Variants in ALK observed in about 807,000 individuals in gnomAD.
The protein encoded by ALK is ALK tyrosine kinase receptor.
ALK carries 74 observed loss-of-function variants against 163.1 expected under a neutral mutation model. That is an observed-to-expected ratio of 0.45 (90% CI 0.38 to 0.55). ALK has a LOEUF of 0.55. ALK is among the 20% of genes least tolerant of loss of function. The pLI is 0.00. For missense variants in ALK, 2,063 were observed against 2,105.3 expected (o/e 0.98, Z 0.39); for synonymous variants, 960 against 843.2 (o/e 1.14, Z -2.40).
chr2:29,411,857 C>T (rs1669732467), intron 4 of ALK, among the ~76,000 whole-genome samples: 2 of 152,208 alleles, frequency 1.3e-5, no homozygotes, highest in Admixed American at 1.3e-4. Flanking sequence ...ATTTTTGCAA[C>T]CTCCTCATCC....
chr2:29,667,033 T>A (rs192042260), intron 3 of ALK, among the ~76,000 whole-genome samples: 1 of 152,264 alleles, frequency 6.6e-6, no homozygotes, highest in East Asian at 1.9e-4. Context: ...TTCTTTCTTA[T>A]GGCTAAATAG....
rs1289235141 is a variant in ALK, at chr2:29,252,347, A to ATGC, written c.2042-1081_2042-1080insGCA. On this transcript the variant is annotated intron_variant, in intron 11 of 28. Transcript: ENST00000389048. ...TTTACTTAAAATACAAAAATCTCAT[A>ATGC]AGATTGCAGAAATTCCCTTAAAAGA... is the stretch of plus-strand genomic sequence containing the variant. Among the ~76,000 whole-genome samples the ATGC allele has an allele frequency of 3.3e-5, 5 of 152,350 alleles. No homozygotes were observed. In the East Asian group the frequency reaches 9.6e-4, roughly 29 times the overall value.
chr2:29,314,472 C>CCCAG (rs1666774499), intron 8 of ALK, among the ~76,000 whole-genome samples: 1 of 151,992 alleles, frequency 6.6e-6, no homozygotes, highest in Non-Finnish European at 1.5e-5. Flanking sequence ...AGGGTGTGTG[C>CCCAG]ACGCATGTGT....
intron 1 of ALK, among the ~76,000 whole-genome samples, chr2:29,767,440 C>T (rs1680894791): frequency 6.6e-6 from 1 of 152,188 alleles, no homozygotes; most frequent in African/African-American, 2.4e-5. Context: ...TCTCATGTCC[C>T]AGGAAACCCA....
intron 1 of ALK, among the ~76,000 whole-genome samples, chr2:29,736,029 C>A (rs1238276016): frequency 3.3e-5 from 5 of 151,944 alleles, no homozygotes; most frequent in African/African-American, 4.8e-5. Context: ...TGCTCAAGAC[C>A]CCAAGCCAGC....
chr2:29,636,161 G>T (rs567707009), intron 3 of ALK, among the ~76,000 whole-genome samples: 2 of 152,264 alleles, frequency 1.3e-5, no homozygotes, highest in East Asian at 3.9e-4. Flanking sequence ...GGTGTTGGGG[G>T]AGGAATATAC....
intron 1 of ALK, among the ~76,000 whole-genome samples, chr2:29,781,032 G>A (rs1199631033): frequency 6.6e-6 from 1 of 152,172 alleles, no homozygotes; most frequent in African/African-American, 2.4e-5. Context: ...CTGATAACAA[G>A]GATTTTCTGT....
intron 5 of ALK, among the ~76,000 whole-genome samples, chr2:29,363,497 T>G (rs2148288034): frequency 6.6e-6 from 1 of 152,302 alleles, no homozygotes; most frequent in East Asian, 1.9e-4. Flanking sequence ...AGAGCTCTGC[T>G]TCTACTGAGA....
intron 3 of ALK, among the ~76,000 whole-genome samples, chr2:29,539,748 A>G (rs566060401): frequency 6.6e-6 from 1 of 152,298 alleles, no homozygotes; most frequent in East Asian, 1.9e-4. Flanking sequence ...ATAAAGGACT[A>G]AAATAATTTC....
chr2:29,706,643 GCGCACGTGCACATGT>G, intron 2 of ALK, among the ~76,000 whole-genome samples: 1 of 152,322 alleles, frequency 6.6e-6, no homozygotes, highest in Non-Finnish European at 1.5e-5. Context: ...CAGTGTGTGT[GCGCACGTGCACATGT>G]GCACACTGCA....
intron 2 of ALK, among the ~76,000 whole-genome samples, chr2:29,696,938 A>AT (rs1265395785): frequency 1.6e-4 from 23 of 146,228 alleles, no homozygotes; most frequent in African/African-American, 4.9e-4. Context: ...AAAAAAAAAT[A>AT]AAATAAAATA....
At position 29,694,896 on chromosome 2, in the gene ALK, G is replaced by T; in HGVS notation, c.906C>A (p.Asp302Glu). 1 of 1,614,086 alleles carries T rather than the reference G, an allele frequency of 6.2e-7. No homozygotes were observed. Among genetic ancestry groups the T allele is most frequent in the Non-Finnish European group, 8.5e-7 (1 of 1,179,976 alleles). ...RIPSEEASQM[D>E]LLDGPGAERS... is the part of the protein sequence containing the mutation. ...GCTCTGCCCCAGGCCCATCCAGCAA[G>T]TCCATCTGGGAGGCCTCCTCGGAGG... The change falls in exon 3 of 29, where the codon GAC becomes GAA. Residue 302 changes from aspartate to glutamate, a missense_variant. Asp to Glu is a conservative substitution (Grantham distance 45). Coordinates refer to ENST00000389048, the MANE Select transcript of ALK (RefSeq NM_004304.5).
At chr2:29,751,127 T>C (rs1188147850) in intron 1 of ALK, among the ~76,000 whole-genome samples, 1 of 151,912 alleles carries the variant, frequency 6.6e-6, no homozygotes, top group East Asian at 1.9e-4. Flanking sequence ...ACAGTAAACA[T>C]TAAAGATAAT....
At chr2:29,238,980 T>C (rs1664451744) in intron 13 of ALK, among the ~76,000 whole-genome samples, 1 of 152,230 alleles carries the variant, frequency 6.6e-6, no homozygotes, top group Non-Finnish European at 1.5e-5. Flanking sequence ...ACATTAGCAC[T>C]CAATAAATTC....
chr2:29,699,668 T>C (rs1158398485), intron 2 of ALK, among the ~76,000 whole-genome samples: 1 of 152,244 alleles, frequency 6.6e-6, no homozygotes, highest in Non-Finnish European at 1.5e-5. Context: ...AGAATGACTA[T>C]GACCTTCAGG....
chr2:29,510,337 G>T (rs887167611), intron 4 of ALK, among the ~76,000 whole-genome samples: 8 of 152,140 alleles, frequency 5.3e-5, no homozygotes, highest in Non-Finnish European at 2.9e-5. Flanking sequence ...AATAATAGTT[G>T]AAGGAATTAA....
chr2:29,877,308 C>T (rs1351302004), intron 1 of ALK, among the ~76,000 whole-genome samples: 1 of 152,158 alleles, frequency 6.6e-6, no homozygotes, highest in African/African-American at 2.4e-5. Flanking sequence ...TCTCTCATGC[C>T]ATTCCCATTC....
At chr2:29,234,275 G>A (rs979659884) in intron 13 of ALK, among the ~76,000 whole-genome samples, 1 of 152,150 alleles carries the variant, frequency 6.6e-6, no homozygotes, top group African/African-American at 2.4e-5. Flanking sequence ...AGAATTAAAC[G>A]GAACAGTGTG....
At chr2:29,684,663 C>A (rs1379008324) in intron 3 of ALK, among the ~76,000 whole-genome samples, 2 of 152,202 alleles carry the variant, frequency 1.3e-5, no homozygotes, top group Non-Finnish European at 2.9e-5. Context: ...TGTCATAGGA[C>A]AAAGCGGACA....
Sources: allele counts gnomAD v4.1 joint callset (sites outside exome capture counted in the v4.1 genomes callset), GRCh38; gene constraint gnomAD v4.1.1; transcripts MANE v1.5; gene names NCBI Gene and HGNC (gene_info 2026-07-23, HGNC 2026-07-21).